PHF21A: variants seen among roughly 807,000 people sequenced by gnomAD.
PHF21A encodes the protein PHD finger protein 21A, also known as BHC80a.
PHF21A carries 11 observed loss-of-function variants against 82.5 expected under a neutral mutation model. That is an observed-to-expected ratio of 0.13 (90% CI 0.08 to 0.22). The LOEUF (loss-of-function observed/expected upper bound fraction) is 0.22, where lower values mean the gene tolerates loss of function less well. Ranked by LOEUF, PHF21A falls within the 10% of genes least tolerant of loss-of-function variation. The pLI, the probability that PHF21A is intolerant of heterozygous loss-of-function variation, is 1.00. For missense variants in PHF21A, 579 were observed against 837.8 expected (o/e 0.69, Z 3.81); for synonymous variants, 297 against 302.8 (o/e 0.98, Z 0.20).
chr11:46,002,013 G>A (rs1197900690), intron 6 of PHF21A, among the ~76,000 whole-genome samples: 1 of 152,148 alleles, frequency 6.6e-6, no homozygotes, highest in Admixed American at 6.5e-5. Context: ...AAGTGGTTCG[G>A]AAGGATTTCA....
intron 15 of PHF21A, among the ~76,000 whole-genome samples, chr11:45,945,524 T>C (rs1445471125): frequency 1.3e-5 from 2 of 152,206 alleles, no homozygotes; most frequent in Non-Finnish European, 2.9e-5. Flanking sequence ...GATAGAAACC[T>C]GCACACCTCT....
intron 1 of PHF21A, chr11:46,118,647 T>C (rs564521217): frequency 6.6e-6 from 1 of 152,314 alleles, no homozygotes; most frequent in African/African-American, 2.4e-5. Context: ...TTTTCAGACA[T>C]TTTTAATGAC....
intron 6 of PHF21A, among the ~76,000 whole-genome samples, chr11:46,011,916 A>T (rs1046132697): frequency 6.6e-6 from 1 of 152,250 alleles, no homozygotes; most frequent in African/African-American, 2.4e-5. Context: ...AACATTAGGC[A>T]CAAAAATTAG....
At chr11:45,986,300 C>A (rs1264853162) in intron 6 of PHF21A, among the ~76,000 whole-genome samples, 2 of 152,070 alleles carry the variant, frequency 1.3e-5, no homozygotes, top group African/African-American at 4.8e-5. Flanking sequence ...ACCCCATCTT[C>A]CCCCTAACTT....
chr11:45,968,427 C>T (rs905672317), intron 9 of PHF21A, among the ~76,000 whole-genome samples: 2 of 152,226 alleles, frequency 1.3e-5, no homozygotes, highest in South Asian at 2.1e-4. Context: ...ACATGGCCCT[C>T]TGTGCTCAGC....
At chr11:46,094,620 A>G (rs1370901733) in intron 1 of PHF21A, among the ~76,000 whole-genome samples, 1 of 152,220 alleles carries the variant, frequency 6.6e-6, no homozygotes, top group African/African-American at 2.4e-5. Flanking sequence ...GGCCGTGCAC[A>G]GTGGCTCATG....
chr11:45,936,732 T>C lies in PHF21A; in HGVS notation c.1609-163A>G, dbSNP rs115337886. On this transcript the variant is annotated intron_variant, in intron 16 of 18. Coordinates refer to ENST00000676320, the MANE Select transcript of PHF21A (RefSeq NM_001352027.3). ...GGTCTATAGTTTCTGGACTAAAAAGTTCCAAATATCAGCTTAGGAGAATCA... is the reference window on the plus strand; with the variant it reads ...GGTCTATAGTTTCTGGACTAAAAAGCTCCAAATATCAGCTTAGGAGAATCA... 2.1e-3 allele frequency: 1,282 copies of C among 601,282 alleles called. 14 individuals are homozygous for C. The highest frequency in any genetic ancestry group is 0.021 in the African/African-American group (1,118 of 53,198). 37.2% of individuals were successfully genotyped at this position (601,282 alleles called of 1,614,324 possible).
chr11:46,016,971 A>ATT (rs58460605), intron 6 of PHF21A, among the ~76,000 whole-genome samples: 8 of 148,052 alleles, frequency 5.4e-5, no homozygotes, highest in African/African-American at 9.9e-5. Flanking sequence ...TTTAACCTGG[A>ATT]TTTTTTTTTT....
intron 6 of PHF21A, among the ~76,000 whole-genome samples, chr11:45,981,843 G>A (rs2094299020): frequency 6.8e-6 from 1 of 146,958 alleles, no homozygotes; most frequent in Non-Finnish European, 1.5e-5. Context: ...ATTAAAATAT[G>A]TATAAAATGA....
intron 6 of PHF21A, among the ~76,000 whole-genome samples, chr11:46,001,705 T>G (rs1261247871): frequency 6.6e-6 from 1 of 152,198 alleles, no homozygotes; most frequent in Non-Finnish European, 1.5e-5. Flanking sequence ...TTAACTGGTA[T>G]GATAGGCCAT....
At chr11:45,945,387 A>G (rs748551196) in intron 15 of PHF21A, among the ~76,000 whole-genome samples, 22 of 152,188 alleles carry the variant, frequency 1.4e-4, no homozygotes, top group Non-Finnish European at 3.1e-4. Context: ...GTTTCTGCTC[A>G]ACAGTTTCTG....
rs2088659289 is a variant in PHF21A at position 45,935,355 on chromosome 11, T to C, written c.1788+281A>G. 3 of 858,354 alleles carry C rather than the reference T, an allele frequency of 3.5e-6. No individual in the cohort carries two copies. In the South Asian group the frequency reaches 4.4e-5, roughly 12 times the overall value. 53.2% of individuals were successfully genotyped at this position (858,354 alleles called of 1,614,324 possible). On this transcript the variant is annotated intron_variant, in intron 18 of 18. Coordinates refer to ENST00000676320, the MANE Select transcript of PHF21A (RefSeq NM_001352027.3). ...AATACGCAGGGCCATGGCTACACTG[T>C]TGTAGCTGTTACTTATTCAGCCTGA...
chr11:46,114,277 T>A (rs192760271), intron 1 of PHF21A, among the ~76,000 whole-genome samples: 1 of 152,196 alleles, frequency 6.6e-6, no homozygotes, highest in Admixed American at 6.5e-5. Context: ...AATTTACATA[T>A]ATACAGTTGC....
At chr11:45,950,358 C>T (rs917613443) in intron 11 of PHF21A, 101 bp from the exon 12 acceptor site, 12 of 911,680 alleles carry the variant, frequency 1.3e-5, no homozygotes, top group African/African-American at 3.3e-5. Context: ...GCCCAATGGG[C>T]GGGTCTCATG....
At chr11:45,952,869 T>C (rs2092289967) in intron 11 of PHF21A, among the ~76,000 whole-genome samples, 1 of 152,256 alleles carries the variant, frequency 6.6e-6, no homozygotes, top group Admixed American at 6.5e-5. Flanking sequence ...TATAGCTGCT[T>C]ATGCAAAAAC....
intron 2 of PHF21A, among the ~76,000 whole-genome samples, chr11:46,090,771 A>G: frequency 6.6e-6 from 1 of 151,998 alleles, no homozygotes; most frequent in East Asian, 1.9e-4. Context: ...CCTGTCAGGG[A>G]TCTAGAAGAA....
chr11:46,098,426 AT>A (rs1246079347), intron 1 of PHF21A, among the ~76,000 whole-genome samples: 2 of 152,168 alleles, frequency 1.3e-5, no homozygotes, highest in Admixed American at 1.3e-4. Flanking sequence ...AAACAAAACA[AT>A]TTTTCTAAGT....
chr11:45,934,807 T>C, intron 18 of PHF21A: 1 of 349,302 alleles, frequency 2.9e-6, no homozygotes. Context: ...TAGAGTCTTT[T>C]GCCCTTTTGC....
chr11:45,996,173 G>A (rs1301510026), intron 6 of PHF21A, among the ~76,000 whole-genome samples: 1 of 152,072 alleles, frequency 6.6e-6, no homozygotes, highest in Non-Finnish European at 1.5e-5. Context: ...GAAACCCCCG[G>A]CTTCAAGTCA....
Sources: gnomAD v4.1 joint callset for allele counts (sites outside exome capture counted in the v4.1 genomes callset) on GRCh38, gnomAD v4.1.1 for gene constraint, MANE v1.5 for transcripts, NCBI Gene and HGNC (gene_info 2026-07-23, HGNC 2026-07-21) for gene names.